TAB2: variants seen among roughly 807,000 people sequenced by gnomAD.
TAB2 encodes TGF-beta activated kinase 1 (MAP3K7) binding protein 2, also known as TGF-beta-activated kinase 1 and MAP3K7-binding protein 2.
Under a neutral mutation model 65.0 loss-of-function variants are expected in TAB2, and 3 were observed. That is an observed-to-expected ratio of 0.05 (90% CI 0.02 to 0.12). TAB2 has a LOEUF of 0.12. Ranked by LOEUF, TAB2 falls within the 10% of genes least tolerant of loss-of-function variation. The pLI is 1.00. For missense variants in TAB2, 623 were observed against 840.3 expected, an observed-to-expected ratio of 0.74 and a Z score of 3.20; for synonymous variants, 298 against 285.1, an observed-to-expected ratio of 1.05 and a Z score of -0.46.
chr6:149,369,020 T>C (rs34536105), intron 1 of TAB2, among the ~76,000 whole-genome samples: 2,502 of 152,272 alleles, frequency 0.016, 76 homozygotes, highest in African/African-American at 0.057. Flanking sequence ...TTAACGAGGT[T>C]AAAAAGAGAA....
chr6:149,358,738 C>G (rs1428781669), intron 1 of TAB2, among the ~76,000 whole-genome samples: 1 of 148,342 alleles, frequency 6.7e-6, no homozygotes, highest in Non-Finnish European at 1.5e-5. Context: ...TTTTGCCTTT[C>G]CCTTATTCTT....
In TAB2 at chr6:149,281,555, CAAA is replaced by C. The variant is rs59196897; in HGVS notation, c.-121+62803_-121+62805del. 8.4e-4 allele frequency among the ~76,000 whole-genome samples: 59 copies of C among 70,334 alleles called. 5 individuals carry two copies. Among genetic ancestry groups the C allele is most frequent in the Middle Eastern group, 0.016 (2 of 126 alleles). The allele number at this position is 70,334 out of a possible 152,430, so 46.1% of individuals were successfully genotyped here. On this transcript the variant is annotated intron_variant, in intron 1 of 1. Coordinates refer to the TAB2 transcript ENST00000606202. Reference sequence around the variant, plus strand: ...TGAACAACACAGCAAGATGCCATCTCAAAAAAAAAAAAAAAAAAAAAAAAAACT... The same window carrying C: ...TGAACAACACAGCAAGATGCCATCTCAAAAAAAAAAAAAAAAAAAAAAACT...
chr6:149,218,991 A>G (rs938350996), intron 1 of TAB2, among the ~76,000 whole-genome samples: 2 of 152,188 alleles, frequency 1.3e-5, no homozygotes, highest in Non-Finnish European at 2.9e-5. Context: ...GAAAAGAAAG[A>G]GCTGTGTCCA....
rs542055176 is a variant in TAB2, at chr6:149,335,065, A to G, written c.-90+17050A>G. Among the ~76,000 whole-genome samples the G allele has an allele frequency of 3.3e-5, 5 of 151,080 alleles. No homozygotes were observed. In the East Asian group the frequency reaches 9.8e-4, roughly 29 times the overall value. On this transcript the variant is annotated intron_variant, in intron 1 of 6. Coordinates refer to ENST00000637181, the MANE Select transcript of TAB2 (RefSeq NM_001292034.3). ...CACTCGCTCACTGAATTCCATTGCT[A>G]TTAGTCTAAGAACTTCCCTTTAGGA... is the stretch of plus-strand genomic sequence containing the variant.
chr6:149,372,126 A>T (rs889294406), intron 2 of TAB2, among the ~76,000 whole-genome samples: 1 of 152,200 alleles, frequency 6.6e-6, no homozygotes, highest in African/African-American at 2.4e-5. Flanking sequence ...AGATTTTGAA[A>T]TACCGTAACT....
intron 1 of TAB2, among the ~76,000 whole-genome samples, chr6:149,324,990 G>A (rs572044857): frequency 5.0e-4 from 76 of 152,052 alleles, no homozygotes; most frequent in African/African-American, 1.4e-3. Context: ...ATAGAGACAG[G>A]ATCTCCCTTT....
chr6:149,227,461 G>A (rs762943392), intron 1 of TAB2, among the ~76,000 whole-genome samples: 5 of 152,098 alleles, frequency 3.3e-5, no homozygotes, highest in African/African-American at 7.2e-5. Context: ...GAGAAAGAGC[G>A]TCATGTTACC....
chr6:149,249,125 C>CACACACACAT (rs1363853219), intron 1 of TAB2, among the ~76,000 whole-genome samples: 1 of 141,446 alleles, frequency 7.1e-6, no homozygotes, highest in African/African-American at 2.8e-5. Context: ...TGCACACAGA[C>CACACACACAT]ACACACACAT....
At chr6:149,265,192 C>CTT (rs35409891) in intron 1 of TAB2, among the ~76,000 whole-genome samples, 21 of 139,708 alleles carry the variant, frequency 1.5e-4, no homozygotes, top group African/African-American at 5.3e-4. Flanking sequence ...GTTCAGAACC[C>CTT]TTTTTTTTTT....
At chr6:149,221,892 T>G (rs1777156411) in intron 1 of TAB2, among the ~76,000 whole-genome samples, 1 of 152,220 alleles carries the variant, frequency 6.6e-6, no homozygotes, top group Non-Finnish European at 1.5e-5. Flanking sequence ...TCACCCGTTC[T>G]TGACCACATA....
At chr6:149,382,849 A>G (rs1054154296) in intron 3 of TAB2, among the ~76,000 whole-genome samples, 1 of 151,988 alleles carries the variant, frequency 6.6e-6, no homozygotes, top group African/African-American at 2.4e-5. Flanking sequence ...GTAAATAGAT[A>G]ACAACAAGTA....
At chr6:149,270,724 A>G (rs894027756) in intron 1 of TAB2, among the ~76,000 whole-genome samples, 9 of 152,232 alleles carry the variant, frequency 5.9e-5, no homozygotes, top group South Asian at 2.1e-4. Context: ...ACAGATGCAC[A>G]TGGCACCAGT....
At chr6:149,399,035 ACTTG>A in intron 5 of TAB2, 65 bp from the exon 6 acceptor site, 1 of 1,329,590 alleles carries the variant, frequency 7.5e-7, no homozygotes. Flanking sequence ...AGAAAGAAAT[ACTTG>A]TTTTAAAAAG....
At chr6:149,280,906 T>G (rs1467772755) in intron 1 of TAB2, among the ~76,000 whole-genome samples, 1 of 130,874 alleles carries the variant, frequency 7.6e-6, no homozygotes, top group Non-Finnish European at 1.6e-5. Context: ...CACTCCAGCA[T>G]AGGTGACAGA....
intron 1 of TAB2, among the ~76,000 whole-genome samples, chr6:149,299,319 C>T (rs1223436925): frequency 1.3e-5 from 2 of 152,182 alleles, no homozygotes; most frequent in Non-Finnish European, 2.9e-5. Context: ...CGCCCGTAAT[C>T]CCAGCACTTT....
At chr6:149,303,021 T>C (rs775254220) in intron 1 of TAB2, among the ~76,000 whole-genome samples, 9 of 152,220 alleles carry the variant, frequency 5.9e-5, no homozygotes, top group African/African-American at 1.9e-4. Context: ...GAACTGCGCA[T>C]GCAGGGGATC....
chr6:149,400,794 T>G (rs1782358891), intron 6 of TAB2: 3 of 1,151,052 alleles, frequency 2.6e-6, no homozygotes, highest in Non-Finnish European at 3.7e-6. Flanking sequence ...TACAGTATAG[T>G]TTTCTCTATT....
chr6:149,325,490 T>A (rs1477118778), intron 1 of TAB2, among the ~76,000 whole-genome samples: 2 of 152,204 alleles, frequency 1.3e-5, no homozygotes, highest in African/African-American at 4.8e-5. Context: ...CAAAACATCA[T>A]CATTATTTTT....
chr6:149,289,439 C>T (rs903944155), intron 1 of TAB2, among the ~76,000 whole-genome samples: 1 of 151,968 alleles, frequency 6.6e-6, no homozygotes, highest in Non-Finnish European at 1.5e-5. Context: ...TAAAGTCCCT[C>T]ATAGATCACT....
Sources: allele counts gnomAD v4.1 joint callset (sites outside exome capture counted in the v4.1 genomes callset), GRCh38; gene constraint gnomAD v4.1.1; transcripts MANE v1.5; gene names NCBI Gene and HGNC (gene_info 2026-07-23, HGNC 2026-07-21).